The following PRKAR2A variants were observed in gnomAD, a reference collection of about 807,000 sequenced individuals.
The protein encoded by PRKAR2A is cAMP-dependent protein kinase type II-alpha regulatory subunit.
A neutral mutation model predicts 51.9 loss-of-function variants in PRKAR2A; 29 were observed. That is an observed-to-expected ratio of 0.56 (90% CI 0.42 to 0.76). PRKAR2A has a LOEUF of 0.76. Among genes scored for constraint, PRKAR2A ranks in the 30% least tolerant of loss-of-function variants. PRKAR2A has a pLI of 0.00. For synonymous variants in PRKAR2A, 178 were observed against 186.2 expected (o/e 0.96, Z 0.36); for missense variants, 445 against 512.1 (o/e 0.87, Z 1.26).
intron 1 of PRKAR2A, among the ~76,000 whole-genome samples, chr3:48,821,576 T>C (rs767057746): frequency 5.3e-5 from 8 of 152,192 alleles, no homozygotes; most frequent in South Asian, 2.1e-4. Flanking sequence ...GCATACATTA[T>C]CTTTAAGTTT....
intron 3 of PRKAR2A, among the ~76,000 whole-genome samples, chr3:48,791,592 CAAAAAAAAAAAA>C (rs35978535): frequency 2.4e-5 from 1 of 41,828 alleles, no homozygotes; most frequent in South Asian, 1.4e-3. Flanking sequence ...GATTCCGTCT[CAAAAAAAAAAAA>C]AAAAAAAAAA....
At chr3:48,768,294 AAGATAGATAGATAGATAGATAGAT>A (rs561041221) in intron 6 of PRKAR2A, among the ~76,000 whole-genome samples, 1 of 140,100 alleles carries the variant, frequency 7.1e-6, no homozygotes, top group Non-Finnish European at 1.5e-5. Flanking sequence ...ACCGTCTCAA[AAGATAGATAGATAGATAGATAGAT>A]AGATAGATAG....
chr3:48,798,977 C>T (rs183736606), intron 2 of PRKAR2A, among the ~76,000 whole-genome samples: 5 of 152,262 alleles, frequency 3.3e-5, no homozygotes, highest in Non-Finnish European at 2.9e-5. Flanking sequence ...TTCTTTTGAA[C>T]CCTGGACTTA....
At position 48,748,921 on chromosome 3, in the gene PRKAR2A, A is replaced by G. The variant is rs993821751; in HGVS notation, c.*2664T>C. On this transcript the variant is annotated 3_prime_UTR_variant, in exon 11 of 11. Transcript: ENST00000265563. ...TGTAGGCTACAGAGGGCAGTCTGAA[A>G]AGAGTCCTTCTGCTTTCGCTTCCTG... 2 of 152,236 alleles carry G rather than the reference A, an allele frequency of 1.3e-5. No homozygotes were observed. The highest frequency in any genetic ancestry group is 2.9e-5 in the Non-Finnish European group (2 of 68,046). 9.4% of individuals were successfully genotyped at this position (152,236 alleles called of 1,614,324 possible). A position where few individuals can be genotyped will look rare whatever the true frequency, so the allele number is the denominator to read the frequency against.
intron 2 of PRKAR2A, among the ~76,000 whole-genome samples, chr3:48,806,015 A>C (rs1298760810): frequency 6.6e-6 from 1 of 152,210 alleles, no homozygotes; most frequent in Admixed American, 6.6e-5. Context: ...GGATTTAACT[A>C]ATCTTTCAGA....
In PRKAR2A at chr3:48,772,308, G is replaced by A. The variant is rs185126835; in HGVS notation, c.696+647C>T. 3.5e-4 allele frequency among the ~76,000 whole-genome samples: 54 copies of A among 152,210 alleles called. No homozygotes were observed. The East Asian group carries it at 9.7e-3, about 27-fold the overall frequency. On this transcript the variant is annotated intron_variant, in intron 6 of 10. Coordinates refer to ENST00000265563, the MANE Select transcript of PRKAR2A (RefSeq NM_004157.4). ...GTCGCCCAGGCTAGAGTGCAGTGGC[G>A]TGATCTTGGCTCACTGCAACCTCCG...
intron 1 of PRKAR2A, among the ~76,000 whole-genome samples, chr3:48,835,074 T>C (rs2107450948): frequency 6.6e-6 from 1 of 151,492 alleles, no homozygotes; most frequent in Admixed American, 6.6e-5. Flanking sequence ...CGGGTTCAAG[T>C]GGTCTTCCCA....
At chr3:48,836,419 T>TAAAAAAAAAAAAAAA (rs548970318) in intron 1 of PRKAR2A, among the ~76,000 whole-genome samples, 39 of 56,088 alleles carry the variant, frequency 7.0e-4, no homozygotes, top group African/African-American at 9.9e-4. Context: ...AGACTCCGTC[T>TAAAAAAAAAAAAAAA]AAAAAAAAAA....
At chr3:48,828,708 C>CAAAAAAAAAAAAAAAAAAAAAAAAAAAAA (rs547132768) in intron 1 of PRKAR2A, among the ~76,000 whole-genome samples, 1 of 83,502 alleles carries the variant, frequency 1.2e-5, no homozygotes, top group Non-Finnish European at 2.2e-5. Flanking sequence ...CCCCTGTCTC[C>CAAAAAAAAAAAAAAAAAAAAAAAAAAAAA]AAAAAAAAAA....
chr3:48,758,490 C>T (rs940427467), intron 8 of PRKAR2A, among the ~76,000 whole-genome samples: 2 of 145,926 alleles, frequency 1.4e-5, no homozygotes, highest in East Asian at 2.0e-4. Flanking sequence ...GGCTAAGGCA[C>T]GAGAATCGCT....
In PRKAR2A at chr3:48,836,814, T is replaced by TA. The variant is rs76623272; in HGVS notation, c.262+10520dup. 8.9e-3 allele frequency among the ~76,000 whole-genome samples: 1,177 copies of TA among 132,042 alleles called. 17 individuals are homozygous for TA. Among genetic ancestry groups the TA allele is most frequent in the African/African-American group, 0.026 (943 of 35,816 alleles). 86.6% of individuals were successfully genotyped at this position (132,042 alleles called of 152,430 possible). ...CAACATAGTGAGACCCAATCTCTAC[T>TA]AAAAAAAAAAAAAAAATTTTGTTTA... is the stretch of plus-strand genomic sequence containing the variant. On this transcript the variant is annotated intron_variant, in intron 1 of 10. Coordinates refer to ENST00000265563, the MANE Select transcript of PRKAR2A (RefSeq NM_004157.4).
chr3:48,751,110 G>A lies in PRKAR2A; in HGVS notation c.*475C>T. On this transcript the variant is annotated 3_prime_UTR_variant, in exon 11 of 11. Transcript: ENST00000265563. Reference sequence around the variant, plus strand: ...CCAAAGGCTGCAACTGTGAACAAATGTGGACTTCCTCAAAGGACAAATGAG... The same window carrying A: ...CCAAAGGCTGCAACTGTGAACAAATATGGACTTCCTCAAAGGACAAATGAG... The A allele has an allele frequency of 2.8e-6, 1 of 354,164 alleles. No homozygotes were observed. The highest frequency in any genetic ancestry group is 5.6e-6 in the Non-Finnish European group (1 of 179,380). The allele number at this position is 354,164 out of a possible 1,614,324, so 21.9% of individuals were successfully genotyped here.
chr3:48,826,893 A>C lies in PRKAR2A; in HGVS notation c.263-19209T>G, dbSNP rs1014735201. Among the ~76,000 whole-genome samples, 23 of 151,962 alleles carry C rather than the reference A, an allele frequency of 1.5e-4. 1 individual carries two copies. The highest frequency in any genetic ancestry group is 1.4e-3 in the Admixed American group (21 of 15,220). ...GGGTTGTAAATTTAAAAAAAAAAAAACAAAGTAAACTTAAAAAAACCTCTC... is the reference window on the plus strand; with the variant it reads ...GGGTTGTAAATTTAAAAAAAAAAAACCAAAGTAAACTTAAAAAAACCTCTC... On this transcript the variant is annotated intron_variant, in intron 1 of 10. Transcript: ENST00000265563.
intron 2 of PRKAR2A, 76 bp downstream of exon 2, chr3:48,807,573 C>A: frequency 8.4e-7 from 1 of 1,189,154 alleles, no homozygotes; most frequent in South Asian, 1.3e-5. Flanking sequence ...TCTTTTTATT[C>A]AAAATATCTG....
rs561041221 is a variant in PRKAR2A at position 48,768,294 on chromosome 3, AAGATAGAT to A, written c.697-2953_697-2946del. Among the ~76,000 whole-genome samples the A allele has an allele frequency of 5.2e-3, 726 of 140,190 alleles. 14 individuals carry two copies. In the South Asian group the frequency reaches 0.058, roughly 11 times the overall value. The allele number at this position is 140,190 out of a possible 152,430, so 92.0% of individuals were successfully genotyped here. A position where few individuals can be genotyped will look rare whatever the true frequency, so the allele number is the denominator to read the frequency against. ...GGCCAACAGAGTGAGACCGTCTCAA[AAGATAGAT>A]AGATAGATAGATAGATAGATAGATA... On this transcript the variant is annotated intron_variant, in intron 6 of 10. Coordinates refer to ENST00000265563, the MANE Select transcript of PRKAR2A (RefSeq NM_004157.4).
chr3:48,830,389 A>G (rs1476706554), intron 1 of PRKAR2A, among the ~76,000 whole-genome samples: 1 of 152,178 alleles, frequency 6.6e-6, no homozygotes, highest in Non-Finnish European at 1.5e-5. Context: ...ATCTCCTTTG[A>G]TTACAATGAA....
intron 2 of PRKAR2A, among the ~76,000 whole-genome samples, chr3:48,805,028 C>T (rs190289017): frequency 8.6e-4 from 131 of 152,204 alleles, no homozygotes; most frequent in Non-Finnish European, 1.4e-3. Flanking sequence ...CTTCTTAACT[C>T]AGCCTCCTGA....
Position 48,748,462 on chromosome 3 carries a change from T to C in PRKAR2A, c.*3123A>G, listed in dbSNP as rs985974735. 6.6e-6 allele frequency: 1 copy of C among 151,950 alleles called. No individual in the cohort carries two copies. Among genetic ancestry groups the C allele is most frequent in the East Asian group, 1.9e-4 (1 of 5,172 alleles). The allele number at this position is 151,950 out of a possible 1,614,324, so 9.4% of individuals were successfully genotyped here. On this transcript the variant is annotated 3_prime_UTR_variant, in exon 11 of 11. Coordinates refer to ENST00000265563, the MANE Select transcript of PRKAR2A (RefSeq NM_004157.4). ...GCAGGATGACTTAAACCTGATCAATTCTACTCCAAAACAGCAACTATCATT... is the reference window on the plus strand; with the variant it reads ...GCAGGATGACTTAAACCTGATCAATCCTACTCCAAAACAGCAACTATCATT...
chr3:48,786,574 A>G (rs2107299642), intron 4 of PRKAR2A, among the ~76,000 whole-genome samples: 1 of 149,546 alleles, frequency 6.7e-6, no homozygotes, highest in African/African-American at 2.4e-5. Flanking sequence ...GAGGCGGGCG[A>G]ATCACGAGGT....
Sources: gnomAD v4.1 joint callset for allele counts (sites outside exome capture counted in the v4.1 genomes callset) on GRCh38, gnomAD v4.1.1 for gene constraint, MANE v1.5 for transcripts, NCBI Gene and HGNC (gene_info 2026-07-23, HGNC 2026-07-21) for gene names.